The following KIAA1217 variants were observed in gnomAD, a reference collection of about 807,000 sequenced individuals.
KIAA1217 encodes KIAA1217.
In KIAA1217, 88 loss-of-function variants were observed where a neutral mutation model predicts 163.9. The observed-to-expected ratio is 0.54, with a 90% CI of 0.45 to 0.64. The LOEUF (loss-of-function observed/expected upper bound fraction) is 0.64, where lower values mean the gene tolerates loss of function less well. Among genes scored for constraint, KIAA1217 ranks in the 30% least tolerant of loss-of-function variants. The pLI is 0.00. For missense variants in KIAA1217, 2,372 were observed against 2,475.0 expected (o/e 0.96, Z 0.88); for synonymous variants, 903 against 923.1 (o/e 0.98, Z 0.39).
Position 24,546,374 on chromosome 10 carries a change from A to G in KIAA1217, c.*50A>G, listed in dbSNP as rs1308895669. The G allele has an allele frequency of 6.7e-7, 1 of 1,493,678 alleles. No homozygotes were observed. Among genetic ancestry groups the G allele is most frequent in the Non-Finnish European group, 9.0e-7 (1 of 1,111,560 alleles). 92.5% of individuals were successfully genotyped at this position (1,493,678 alleles called of 1,614,324 possible). Reference sequence around the variant, plus strand: ...TCGGAGTTACATTTAAAAAAAATTAACAGTCTACAACAACTGTTTTCACAA... The same window carrying G: ...TCGGAGTTACATTTAAAAAAAATTAGCAGTCTACAACAACTGTTTTCACAA... On this transcript the variant is annotated 3_prime_UTR_variant, in exon 21 of 21. Coordinates refer to ENST00000376454, the MANE Select transcript of KIAA1217 (RefSeq NM_019590.5).
intron 1 of KIAA1217, among the ~76,000 whole-genome samples, chr10:23,848,977 A>C (rs766363203): frequency 1.3e-5 from 2 of 152,100 alleles, no homozygotes; most frequent in African/African-American, 2.4e-5. Context: ...TATTAGCTCT[A>C]GTAGTGCAGA....
intron 2 of KIAA1217, among the ~76,000 whole-genome samples, chr10:24,066,784 T>C (rs1386918448): frequency 6.6e-6 from 1 of 152,196 alleles, no homozygotes; most frequent in African/African-American, 2.4e-5. Context: ...GTACACCAAT[T>C]AGACGTAGAT....
intron 2 of KIAA1217, among the ~76,000 whole-genome samples, chr10:24,142,948 A>T (rs1385881904): frequency 6.6e-6 from 1 of 152,204 alleles, no homozygotes; most frequent in Admixed American, 6.5e-5. Context: ...AGGGGGAAAA[A>T]CATTAATCCA....
At chr10:24,007,805 A>G (rs1054769369) in intron 2 of KIAA1217, among the ~76,000 whole-genome samples, 2 of 152,224 alleles carry the variant, frequency 1.3e-5, no homozygotes, top group African/African-American at 2.4e-5. Context: ...AGAATGAATC[A>G]GAAATAAGAG....
intron 3 of KIAA1217, among the ~76,000 whole-genome samples, chr10:24,386,066 GAAC>G (rs1333188943): frequency 6.6e-6 from 1 of 152,174 alleles, no homozygotes; most frequent in Non-Finnish European, 1.5e-5. Flanking sequence ...GTGAAAACAG[GAAC>G]AACAGCAGCA....
At chr10:23,811,162 G>A (rs1272198848) in intron 1 of KIAA1217, among the ~76,000 whole-genome samples, 3 of 138,756 alleles carry the variant, frequency 2.2e-5, no homozygotes, top group African/African-American at 8.0e-5. Flanking sequence ...TAGTATACAT[G>A]TATACTATAC....
chr10:23,703,067 C>A (rs1176303617), intron 1 of KIAA1217, among the ~76,000 whole-genome samples: 1 of 152,064 alleles, frequency 6.6e-6, no homozygotes, highest in East Asian at 1.9e-4. Context: ...CAGCCCTCCC[C>A]CTAGTGGCGA....
At chr10:23,727,806 C>A (rs1838257039) in intron 1 of KIAA1217, among the ~76,000 whole-genome samples, 1 of 152,106 alleles carries the variant, frequency 6.6e-6, no homozygotes, top group African/African-American at 2.4e-5. Context: ...AGACCCCCCA[C>A]CTCCCGATGG....
intron 2 of KIAA1217, among the ~76,000 whole-genome samples, chr10:24,259,757 C>A (rs566931395): frequency 6.6e-6 from 1 of 152,146 alleles, no homozygotes; most frequent in Non-Finnish European, 1.5e-5. Flanking sequence ...GTGACAGACA[C>A]GGGGGAACCT....
At chr10:23,807,847 T>G (rs980713466) in intron 1 of KIAA1217, among the ~76,000 whole-genome samples, 3 of 152,216 alleles carry the variant, frequency 2.0e-5, no homozygotes, top group Admixed American at 2.0e-4. Context: ...ATAAAAGATG[T>G]AGGCTCTAAC....
intron 2 of KIAA1217, among the ~76,000 whole-genome samples, chr10:24,030,392 G>C (rs145000240): frequency 1.3e-5 from 2 of 151,996 alleles, no homozygotes; most frequent in Non-Finnish European, 2.9e-5. Flanking sequence ...TAAAAGTGAC[G>C]CTTCCCCCTT....
intron 2 of KIAA1217, among the ~76,000 whole-genome samples, chr10:24,252,040 A>G (rs1271672934): frequency 6.6e-6 from 1 of 152,020 alleles, no homozygotes; most frequent in Non-Finnish European, 1.5e-5. Context: ...AGAAAGGATC[A>G]GTTTCTATCT....
intron 13 of KIAA1217, 36 bp downstream of exon 13, chr10:24,524,800 A>G: frequency 6.6e-7 from 1 of 1,515,930 alleles, no homozygotes; most frequent in South Asian, 1.3e-5. Context: ...AACCCCATAA[A>G]GGAGTCTGAT....
rs987306848 is a variant in KIAA1217 at position 24,494,484 on chromosome 10, T to A, written c.1680-16T>A. ...AAGTCCATAAAGCTTTAACAAACAA[T>A]TCTCTTGTTTTACAGAGAGAGGATG... is the stretch of plus-strand genomic sequence containing the variant. On this transcript the variant is annotated splice_polypyrimidine_tract_variant and intron_variant, in intron 6 of 20. Transcript: ENST00000376454. The A allele has an allele frequency of 1.9e-6, 3 of 1,590,742 alleles. No homozygotes were observed. Among genetic ancestry groups the A allele is most frequent in the Non-Finnish European group, 2.6e-6 (3 of 1,159,358 alleles).
intron 2 of KIAA1217, among the ~76,000 whole-genome samples, chr10:24,021,621 G>C (rs1250617788): frequency 2.6e-5 from 4 of 151,884 alleles, no homozygotes; most frequent in Non-Finnish European, 5.9e-5. Context: ...AAAGGCAAAA[G>C]ATACAAATAG....
At chr10:23,857,210 C>CCATA (rs2131121229) in intron 1 of KIAA1217, among the ~76,000 whole-genome samples, 1 of 152,284 alleles carries the variant, frequency 6.6e-6, no homozygotes, top group Admixed American at 6.5e-5. Flanking sequence ...TGAATCCAAA[C>CCATA]CATATCACTC....
chr10:24,142,248 C>G (rs890451081), intron 2 of KIAA1217, among the ~76,000 whole-genome samples: 1 of 152,106 alleles, frequency 6.6e-6, no homozygotes, highest in African/African-American at 2.4e-5. Context: ...AACATACCTA[C>G]GAGTTTTCCA....
intron 1 of KIAA1217, among the ~76,000 whole-genome samples, chr10:23,856,409 C>A (rs1839664900): frequency 6.6e-6 from 1 of 152,246 alleles, no homozygotes; most frequent in Admixed American, 6.5e-5. Context: ...TGTGAGGTGT[C>A]AGTCTGCCCC....
At chr10:24,368,302 C>A (rs2051073987) in intron 2 of KIAA1217, among the ~76,000 whole-genome samples, 1 of 152,120 alleles carries the variant, frequency 6.6e-6, no homozygotes. Flanking sequence ...TCACACCCTG[C>A]CATTAACCTT....
Sources: allele counts gnomAD v4.1 joint callset (sites outside exome capture counted in the v4.1 genomes callset), GRCh38; gene constraint gnomAD v4.1.1; transcripts MANE v1.5; gene names NCBI Gene and HGNC (gene_info 2026-07-23, HGNC 2026-07-21).